The following KLHL30 variants were observed in gnomAD, a reference collection of about 807,000 sequenced individuals.
The protein encoded by KLHL30 is kelch-like protein 30.
A neutral mutation model predicts 55.0 loss-of-function variants in KLHL30; 55 were observed. The ratio of observed to expected loss-of-function variants is 1.00; its 90% CI spans 0.80 to 1.25. The LOEUF (loss-of-function observed/expected upper bound fraction) is 1.25, where lower values mean the gene tolerates loss of function less well. KLHL30 is among the 50% of genes most tolerant of loss of function. KLHL30 has a pLI of 0.00. For synonymous variants in KLHL30, 356 were observed against 372.6 expected (o/e 0.96, Z 0.51); for missense variants, 786 against 811.6 (o/e 0.97, Z 0.38).
In KLHL30 at chr2:238,152,457, C is replaced by T. The variant is rs1692775351; in HGVS notation, c.*1392C>T. On this transcript the variant is annotated 3_prime_UTR_variant, in exon 8 of 8. Transcript: ENST00000409223. Reference sequence around the variant, plus strand: ...GATCTTGGCTCACTGCAACCTCCACCTCCCGGGTTCAAGAGATTCTCCTGC... The same window carrying T: ...GATCTTGGCTCACTGCAACCTCCACTTCCCGGGTTCAAGAGATTCTCCTGC... The T allele has an allele frequency of 6.5e-6, 1 of 153,816 alleles. No individual in the cohort carries two copies. Among genetic ancestry groups the T allele is most frequent in the East Asian group, 1.9e-4 (1 of 5,146 alleles). The allele number at this position is 153,816 out of a possible 1,614,324, so 9.5% of individuals were successfully genotyped here. A position where few individuals can be genotyped will look rare whatever the true frequency, so the allele number is the denominator to read the frequency against.
rs5839689 is a variant in KLHL30, at chr2:238,152,359, C to CTTTTTT, written c.*1315_*1320dup. 1 of 98,734 alleles carries CTTTTTT rather than the reference C, an allele frequency of 1.0e-5. No homozygotes were observed. Among genetic ancestry groups the CTTTTTT allele is most frequent in the Non-Finnish European group, 2.0e-5 (1 of 50,714 alleles). 6.1% of individuals were successfully genotyped at this position (98,734 alleles called of 1,614,324 possible). On this transcript the variant is annotated 3_prime_UTR_variant, in exon 8 of 8. Transcript: ENST00000409223. ...TTGCTCCCAGACCTGCCTCTCATAG[C>CTTTTTT]TTTTTTTTTTTTTTTTTTTTTTTTT...
chr2:238,149,162 C>A lies in KLHL30; in HGVS notation c.1485+10C>A, dbSNP rs1574760870. The A allele has an allele frequency of 6.2e-7, 1 of 1,612,200 alleles. No homozygotes were observed. The highest frequency in any genetic ancestry group is 1.3e-5 in the African/African-American group (1 of 75,058). ...CAACCTGTGGCAGAAGGTGGGCCGC[C>A]CCCTCCCCCAACATGTGTGAGCCCC... On this transcript the variant is annotated intron_variant, in intron 7 of 7. Coordinates refer to ENST00000409223, the MANE Select transcript of KLHL30 (RefSeq NM_198582.4).
Position 238,150,877 on chromosome 2 carries a change from G to C in KLHL30, c.1549G>C (p.Val517Leu). 6.3e-7 allele frequency: 1 copy of C among 1,597,190 alleles called. No individual in the cohort carries two copies. The highest frequency in any genetic ancestry group is 8.5e-7 in the Non-Finnish European group (1 of 1,173,278). Residue 517 changes from valine to leucine, a missense_variant, in exon 8 of 8, where the codon GTG becomes CTG. By Grantham distance (32) the Val-to-Leu change is conservative. Coordinates refer to ENST00000409223, the MANE Select transcript of KLHL30 (RefSeq NM_198582.4). ...GGTGCCACTGGGTGATGCGCTGTAC[G>C]TGACGGGCGGCCGCTGGCAGGGCAT... ...ALVPLGDALYVTGGRWQGMEG... is the reference protein window; with the variant it reads ...ALVPLGDALYLTGGRWQGMEG...
chr2:238,151,805 T>C lies in KLHL30; in HGVS notation c.*740T>C. On this transcript the variant is annotated 3_prime_UTR_variant, in exon 8 of 8. Coordinates refer to ENST00000409223, the MANE Select transcript of KLHL30 (RefSeq NM_198582.4). Reference sequence around the variant, plus strand: ...GGAGGGTCCCAGGGAGGTGAGCAGTTTTGCTCTCAGAAGGGATTGCCTCCG... The same window carrying C: ...GGAGGGTCCCAGGGAGGTGAGCAGTCTTGCTCTCAGAAGGGATTGCCTCCG... 1.1e-6 allele frequency: 1 copy of C among 887,480 alleles called. No homozygotes were observed. The highest frequency in any genetic ancestry group is 1.2e-4 in the East Asian group (1 of 8,320). 55.0% of individuals were successfully genotyped at this position (887,480 alleles called of 1,614,324 possible). A position where few individuals can be genotyped will look rare whatever the true frequency, so the allele number is the denominator to read the frequency against.
rs1212711627 is a variant in KLHL30, at chr2:238,140,846, A to C, written c.92A>C (p.Lys31Thr). The C allele has an allele frequency of 6.2e-7, 1 of 1,610,502 alleles. No homozygotes were observed. The highest frequency in any genetic ancestry group is 1.7e-5 in the Admixed American group (1 of 59,916). ...DGLQRLRSQP[K>T]LADVTLLVGG... ...CTGCAGCGCCTGCGCTCTCAGCCCA[A>C]GCTGGCCGACGTCACACTGCTGGTG... Residue 31 changes from lysine to threonine, a missense_variant, in exon 2 of 8, where the codon AAG (lysine) becomes ACG (threonine). Physicochemically the swap from Lys to Thr is moderately conservative, Grantham distance 78. Coordinates refer to ENST00000409223, the MANE Select transcript of KLHL30 (RefSeq NM_198582.4).
chr2:238,141,628 G>A (rs1559274883), intron 2 of KLHL30, 100 bp downstream of exon 2: 7 of 1,304,074 alleles, frequency 5.4e-6, no homozygotes, highest in Non-Finnish European at 6.1e-6. Flanking sequence ...ACATTCCAAG[G>A]TGCACTCTGA....
Position 238,151,051 on chromosome 2 carries a change from A to G in KLHL30, c.1723A>G (p.Thr575Ala), listed in dbSNP as rs1483560642. ...CAAGTGGACCCAGCCCTCCGGCCCC[A>G]CCCAGGAGCACTAAACCAGGGCCAG... ...VSKWTQPSGP[T>A]QEH The change falls in exon 8 of 8, where the codon ACC becomes GCC. Residue 575 changes from threonine (T) to alanine (A), a missense_variant. Physicochemically the swap from Thr to Ala is moderately conservative, Grantham distance 58. Transcript: ENST00000409223. 6.3e-7 allele frequency: 1 copy of G among 1,591,346 alleles called. No individual in the cohort carries two copies. The highest frequency in any genetic ancestry group is 1.7e-5 in the Admixed American group (1 of 57,594).
chr2:238,151,761 C>CAA lies in KLHL30; in HGVS notation c.*697_*698insAA, dbSNP rs769824048. The CAA allele has an allele frequency of 3.8e-4, 168 of 444,436 alleles. No homozygotes were observed. Among genetic ancestry groups the CAA allele is most frequent in the Non-Finnish European group, 4.7e-4 (158 of 335,228 alleles). The allele number at this position is 444,436 out of a possible 1,614,324, so 27.5% of individuals were successfully genotyped here. Reference sequence around the variant, plus strand: ...ACAGAGGCACCAGGAAGGAGGGAGGCAGGGCGTGGGGCGGGGCTGGAGGGT... The same window carrying CAA: ...ACAGAGGCACCAGGAAGGAGGGAGGCAAAGGGCGTGGGGCGGGGCTGGAGGGT... On this transcript the variant is annotated 3_prime_UTR_variant, in exon 8 of 8. Coordinates refer to ENST00000409223, the MANE Select transcript of KLHL30 (RefSeq NM_198582.4).
At chr2:238,145,068 G>A in intron 4 of KLHL30, 80 bp downstream of exon 4, 5 of 1,119,102 alleles carry the variant, frequency 4.5e-6, no homozygotes, top group Non-Finnish European at 6.6e-6. Flanking sequence ...CACTCCGTGG[G>A]GTCCCTGAGG....
At chr2:238,145,056 C>CACGGAGTGCGGGGAGTT in intron 4 of KLHL30, 68 bp downstream of exon 4, 4 of 1,272,818 alleles carry the variant, frequency 3.1e-6, no homozygotes, top group Non-Finnish European at 2.2e-6. Context: ...TGCAACTCCC[C>CACGGAGTGCGGGGAGTT]GCACTCCGTG....
chr2:238,139,447 T>C (rs1317018802), intron 1 of KLHL30, among the ~76,000 whole-genome samples: 1 of 152,178 alleles, frequency 6.6e-6, no homozygotes, highest in African/African-American at 2.4e-5. Flanking sequence ...CCGGCCGGGA[T>C]GCTGGGGTGT....
rs1322123910 is a variant in KLHL30, at chr2:238,147,280, T to C, written c.1151-554T>C. ...GTCCCCTTTCTCTCAGTGGCTACCG[T>C]GTCCCCAACCAGAGAGCAGAAAGCA... On this transcript the variant is annotated intron_variant, in intron 5 of 7. Transcript: ENST00000409223. This position sits in a 1 kb window ranked among gnomAD's most constrained non-coding sequence, Gnocchi z 5.8. 6.6e-6 allele frequency among the ~76,000 whole-genome samples: 1 copy of C among 152,054 alleles called. No individual in the cohort carries two copies. Among genetic ancestry groups the C allele is most frequent in the African/African-American group, 2.4e-5 (1 of 41,398 alleles).
chr2:238,144,380 AAGGAAGGAAGGAAG>A (rs1692594719), intron 3 of KLHL30, among the ~76,000 whole-genome samples: 1,515 of 102,232 alleles, frequency 0.015, 22 homozygotes, highest in East Asian at 0.021. Flanking sequence ...GGAAGGAAGG[AAGGAAGGAAGGAAG>A]GAAGGAAGGA....
intron 6 of KLHL30, among the ~76,000 whole-genome samples, chr2:238,148,704 C>T (rs1692692901): frequency 6.6e-6 from 1 of 152,088 alleles, no homozygotes; most frequent in Non-Finnish European, 1.5e-5. Context: ...GGTGGGGCGG[C>T]AGCCAGGCCA....
In KLHL30 at chr2:238,141,108, G is replaced by T; in HGVS notation, c.354G>T (p.Val118=). The change falls in exon 2 of 8, where the codon GTG becomes GTT. Residue 118 remains valine, a synonymous_variant. Transcript: ENST00000409223. ...RTAARLHFPS[V]QKVCGRYLQQ... is the part of the protein sequence containing the mutation. ...CTGCGCGCCTGCACTTCCCCTCGGT[G>T]CAGAAGGTCTGCGGCCGCTACCTGC... The T allele has an allele frequency of 1.9e-6, 3 of 1,610,328 alleles. No homozygotes were observed. Among genetic ancestry groups the T allele is most frequent in the Non-Finnish European group, 2.5e-6 (3 of 1,178,106 alleles).
At chr2:238,144,266 A>G (rs1028479041) in intron 3 of KLHL30, among the ~76,000 whole-genome samples, 29 of 152,176 alleles carry the variant, frequency 1.9e-4, no homozygotes, top group Non-Finnish European at 3.8e-4. Flanking sequence ...TTGCCCACGG[A>G]CACACAGCTG....
In KLHL30 at chr2:238,145,864, C is replaced by A. The variant is rs1486452711; in HGVS notation, c.1150+32C>A. The A allele has an allele frequency of 1.9e-6, 3 of 1,550,978 alleles. No homozygotes were observed. The African/African-American group carries it at 4.1e-5, about 21-fold the overall frequency. ...CCTTCCTCTCCACCCTTCCCTGGGG[C>A]CTGGTTCTAGCCTCTCATCCCTGCA... On this transcript the variant is annotated intron_variant, in intron 5 of 7. Transcript: ENST00000409223.
intron 3 of KLHL30, 46 bp from the exon 4 acceptor site, chr2:238,144,856 C>G: frequency 6.9e-7 from 1 of 1,450,746 alleles, no homozygotes; most frequent in East Asian, 2.4e-5. Context: ...ACCACCCCAG[C>G]AGGGAGCCTG....
chr2:238,150,709 G>T lies in KLHL30; in HGVS notation c.1486-105G>T. On this transcript the variant is annotated intron_variant, in intron 7 of 7. Transcript: ENST00000409223. Reference sequence around the variant, plus strand: ...ATGCCCTGGAGGGGATCTGGGCCAGGTGGCTGGCTGTCCTCTCTGCCACTC... The same window carrying T: ...ATGCCCTGGAGGGGATCTGGGCCAGTTGGCTGGCTGTCCTCTCTGCCACTC... 3 of 1,341,404 alleles carry T rather than the reference G, an allele frequency of 2.2e-6. No homozygotes were observed. In the South Asian group the frequency reaches 4.2e-5, roughly 19 times the overall value. 83.1% of individuals were successfully genotyped at this position (1,341,404 alleles called of 1,614,324 possible).
Sources: allele counts gnomAD v4.1 joint callset (sites outside exome capture counted in the v4.1 genomes callset), GRCh38; gene constraint gnomAD v4.1.1; non-coding constraint Gnocchi (gnomAD v3.1); transcripts MANE v1.5; gene names NCBI Gene and HGNC (gene_info 2026-07-23, HGNC 2026-07-21).